SLC24A2: variants seen among roughly 807,000 people sequenced by gnomAD.
SLC24A2 encodes sodium/potassium/calcium exchanger 2.
A neutral mutation model predicts 62.0 loss-of-function variants in SLC24A2; 36 were observed. The ratio of observed to expected loss-of-function variants is 0.58; its 90% CI spans 0.44 to 0.77. SLC24A2 has a LOEUF of 0.77. Ranked by LOEUF, SLC24A2 falls within the 30% of genes least tolerant of loss-of-function variation. The pLI, the probability that SLC24A2 is intolerant of heterozygous loss-of-function variation, is 0.00. For synonymous variants in SLC24A2, 358 were observed against 294.0 expected, an observed-to-expected ratio of 1.22 and a Z score of -2.23; for missense variants, 846 against 817.9, an observed-to-expected ratio of 1.03 and a Z score of -0.42.
chr9:19,995,310 G>A, the SLC24A2 span, among the ~76,000 whole-genome samples: 1 of 152,028 alleles, frequency 6.6e-6, no homozygotes, highest in Non-Finnish European at 1.5e-5. Context: ...TTAGAAATAT[G>A]TTCATCCTTC....
intron 2 of SLC24A2, among the ~76,000 whole-genome samples, chr9:19,693,510 A>G (rs944301407): frequency 1.3e-5 from 2 of 152,286 alleles, no homozygotes. Flanking sequence ...AGAAATCACT[A>G]GATGAAAGCA....
chr9:20,228,048 G>C, the SLC24A2 span, among the ~76,000 whole-genome samples: 2 of 151,994 alleles, frequency 1.3e-5, no homozygotes, highest in African/African-American at 4.8e-5. Flanking sequence ...TTAAAAACAG[G>C]TTCTATTTTT....
At chr9:19,831,011 G>C in the SLC24A2 span, among the ~76,000 whole-genome samples, 1 of 152,162 alleles carries the variant, frequency 6.6e-6, no homozygotes, top group Non-Finnish European at 1.5e-5. Flanking sequence ...GAGGAGCACT[G>C]TGTCCTCACT....
the SLC24A2 span, among the ~76,000 whole-genome samples, chr9:20,041,033 AT>A: frequency 6.6e-6 from 1 of 152,126 alleles, no homozygotes; most frequent in African/African-American, 2.4e-5. Flanking sequence ...CAGGCTCTGA[AT>A]TTTTTTTAGG....
chr9:19,971,264 TCTC>T, the SLC24A2 span, among the ~76,000 whole-genome samples: 1 of 152,134 alleles, frequency 6.6e-6, no homozygotes, highest in African/African-American at 2.4e-5. Context: ...ATCAGCAAAA[TCTC>T]CTAGCATGCC....
At chr9:19,649,001 C>CAAAAA (rs66653116) in intron 2 of SLC24A2, among the ~76,000 whole-genome samples, 12 of 108,798 alleles carry the variant, frequency 1.1e-4, no homozygotes, top group African/African-American at 2.3e-4. Context: ...GATTAAAAAC[C>CAAAAA]AAAAAAAAAA....
chr9:19,799,899 C>T, the SLC24A2 span, among the ~76,000 whole-genome samples: 1 of 152,048 alleles, frequency 6.6e-6, no homozygotes, highest in Non-Finnish European at 1.5e-5. Context: ...AAATTTATTC[C>T]CTCACAGTTC....
the SLC24A2 span, among the ~76,000 whole-genome samples, chr9:19,901,520 T>A: frequency 1.3e-5 from 2 of 152,276 alleles, no homozygotes; most frequent in Middle Eastern, 6.8e-3. Context: ...AGCTTTATGA[T>A]GAAATGGGTT....
At chr9:19,581,515 G>T (rs1209267156) in intron 5 of SLC24A2, among the ~76,000 whole-genome samples, 5 of 152,154 alleles carry the variant, frequency 3.3e-5, no homozygotes, top group African/African-American at 9.7e-5. Context: ...GTCCTTGGAA[G>T]GTCCAATGGG....
the SLC24A2 span, among the ~76,000 whole-genome samples, chr9:19,813,312 T>C: frequency 7.3e-6 from 1 of 137,884 alleles, no homozygotes; most frequent in Non-Finnish European, 1.5e-5. Flanking sequence ...CTCCATCATC[T>C]TCCTCTTTTT....
the SLC24A2 span, among the ~76,000 whole-genome samples, chr9:20,292,594 C>T: frequency 2.0e-5 from 3 of 152,148 alleles, no homozygotes; most frequent in East Asian, 1.9e-4. Flanking sequence ...CGTTGTCTTA[C>T]GGTTCTGTTT....
intron 2 of SLC24A2, among the ~76,000 whole-genome samples, chr9:19,626,068 T>C (rs780484376): frequency 6.6e-6 from 1 of 152,192 alleles, no homozygotes; most frequent in Non-Finnish European, 1.5e-5. Flanking sequence ...GCATCCCAGA[T>C]AATAAAATGC....
At chr9:20,214,730 C>T in the SLC24A2 span, among the ~76,000 whole-genome samples, 1 of 152,054 alleles carries the variant, frequency 6.6e-6, no homozygotes, top group African/African-American at 2.4e-5. Flanking sequence ...ATTTGTCTTC[C>T]CTACTAAATT....
chr9:19,565,685 G>A (rs915941712), intron 7 of SLC24A2, among the ~76,000 whole-genome samples: 4 of 152,156 alleles, frequency 2.6e-5, no homozygotes, highest in African/African-American at 4.8e-5. Context: ...GAACAAAGCT[G>A]GAGGCATCAG....
rs1220717050 is a variant in SLC24A2, at chr9:19,632,516, G to T, written c.931-10217C>A. On this transcript the variant is annotated intron_variant, in intron 2 of 10. Coordinates refer to ENST00000341998, the MANE Select transcript of SLC24A2 (RefSeq NM_020344.4). This position sits in a 1 kb window ranked among gnomAD's most constrained non-coding sequence, Gnocchi z 4.5. ...TTCTTCCAATTAAGTAGCAACAGCA[G>T]CAGTTAATATATGAAATCCTTGCTG... 6.6e-6 allele frequency among the ~76,000 whole-genome samples: 1 copy of T among 152,188 alleles called. No homozygotes were observed. Among genetic ancestry groups the T allele is most frequent in the Non-Finnish European group, 1.5e-5 (1 of 68,030 alleles).
At chr9:20,061,705 C>G in the SLC24A2 span, among the ~76,000 whole-genome samples, 1 of 151,968 alleles carries the variant, frequency 6.6e-6, no homozygotes, top group Non-Finnish European at 1.5e-5. Flanking sequence ...TCATCAATAT[C>G]AATGCAAGAA....
intron 2 of SLC24A2, among the ~76,000 whole-genome samples, chr9:19,780,744 G>C (rs1375741600): frequency 6.6e-6 from 1 of 151,594 alleles, no homozygotes; most frequent in Admixed American, 6.6e-5. Context: ...GCGGTGGCAG[G>C]CACCTGTAGT....
intron 7 of SLC24A2, among the ~76,000 whole-genome samples, chr9:19,571,450 G>A (rs1835834426): frequency 6.6e-6 from 1 of 151,942 alleles, no homozygotes; most frequent in South Asian, 2.1e-4. Flanking sequence ...ACTGTAGTCT[G>A]GTTTCTATTT....
At chr9:20,270,232 A>G in the SLC24A2 span, among the ~76,000 whole-genome samples, 1 of 152,118 alleles carries the variant, frequency 6.6e-6, no homozygotes, top group Non-Finnish European at 1.5e-5. Flanking sequence ...CTTTCCCAAC[A>G]CTGCCACACT....
Sources: gnomAD v4.1 joint callset for allele counts (sites outside exome capture counted in the v4.1 genomes callset) on GRCh38, gnomAD v4.1.1 for gene constraint, Gnocchi (gnomAD v3.1) non-coding constraint, MANE v1.5 for transcripts, NCBI Gene and HGNC (gene_info 2026-07-23, HGNC 2026-07-21) for gene names.